The following SLC6A11 variants were observed in gnomAD, a reference collection of about 807,000 sequenced individuals.
The protein encoded by SLC6A11 is solute carrier family 6 member 11.
In SLC6A11, 25 loss-of-function variants were observed where a neutral mutation model predicts 74.8. That is an observed-to-expected ratio of 0.33 (90% CI 0.24 to 0.47). SLC6A11 has a LOEUF of 0.47. SLC6A11 is among the 20% of genes least tolerant of loss of function. The pLI is 1.00. For missense variants in SLC6A11, 574 were observed against 837.0 expected (o/e 0.69, Z 3.88); for synonymous variants, 330 against 330.2 (o/e 1.00, Z 0.01).
chr3:10,930,306 A>G (rs1272800383), intron 10 of SLC6A11, among the ~76,000 whole-genome samples: 2 of 151,830 alleles, frequency 1.3e-5, no homozygotes, highest in African/African-American at 2.4e-5. Context: ...ACCACGATCT[A>G]TGGTCCACCT....
chr3:10,886,359 C>T (rs780998193), intron 6 of SLC6A11, among the ~76,000 whole-genome samples: 2 of 152,170 alleles, frequency 1.3e-5, no homozygotes, highest in Non-Finnish European at 2.9e-5. Flanking sequence ...TGGTCCCTGT[C>T]CCATACAGCC....
intron 6 of SLC6A11, among the ~76,000 whole-genome samples, chr3:10,897,403 G>T (rs1413539914): frequency 6.6e-6 from 1 of 152,134 alleles, no homozygotes; most frequent in South Asian, 2.1e-4. Flanking sequence ...AAAATCAAAA[G>T]CAAGTTAGTT....
rs1695495774 is a variant in SLC6A11 at position 10,918,883 on chromosome 3, C to A, written c.1120+430C>A. Reference sequence around the variant, plus strand: ...GAACATGTCTTCTCTGATGAAAAGCCTTTCTTGGCTTCTCATAGTGCTGGA... The same window carrying A: ...GAACATGTCTTCTCTGATGAAAAGCATTTCTTGGCTTCTCATAGTGCTGGA... On this transcript the variant is annotated intron_variant, in intron 8 of 13. Coordinates refer to ENST00000254488, the MANE Select transcript of SLC6A11 (RefSeq NM_014229.3). The surrounding 1 kb of genome is among the most constrained non-coding windows in gnomAD (Gnocchi z 4.5). Among the ~76,000 whole-genome samples, 1 of 151,836 alleles carries A rather than the reference C, an allele frequency of 6.6e-6. No individual in the cohort carries two copies. Among genetic ancestry groups the A allele is most frequent in the Non-Finnish European group, 1.5e-5 (1 of 67,972 alleles).
In SLC6A11 at chr3:10,838,701, AT is replaced by A. The variant is rs528700643; in HGVS notation, c.624-5511del. On this transcript the variant is annotated intron_variant, in intron 4 of 13. Coordinates refer to ENST00000254488, the MANE Select transcript of SLC6A11 (RefSeq NM_014229.3). ...GAGGTGGAGGTTGCAGCGAGCTGAG[AT>A]TGTACCACTGCACCCCAGCCTGGGC... Among the ~76,000 whole-genome samples the A allele has an allele frequency of 1.4e-3, 218 of 152,256 alleles. 1 individual carries two copies. Among genetic ancestry groups the A allele is most frequent in the African/African-American group, 5.1e-3 (210 of 41,560 alleles).
At chr3:10,872,918 T>C (rs1302136676) in intron 5 of SLC6A11, among the ~76,000 whole-genome samples, 3 of 152,178 alleles carry the variant, frequency 2.0e-5, no homozygotes, top group Non-Finnish European at 4.4e-5. Context: ...CCTCAGATTC[T>C]CAGAAGTGTC....
intron 6 of SLC6A11, among the ~76,000 whole-genome samples, chr3:10,892,259 C>T (rs1447616281): frequency 6.6e-6 from 1 of 152,250 alleles, no homozygotes; most frequent in East Asian, 1.9e-4. Flanking sequence ...GAAAGCCCTA[C>T]AGGGCGAGTG....
Position 10,873,474 on chromosome 3 carries a change from C to T in SLC6A11, c.757-1487C>T, listed in dbSNP as rs1289699362. ...CCTATGGCATGCTATCCTACCCTAC[C>T]CTACCATACCCTACCCTATGCTATC... On this transcript the variant is annotated intron_variant, in intron 5 of 13. Transcript: ENST00000254488. 3.5e-5 allele frequency among the ~76,000 whole-genome samples: 5 copies of T among 142,002 alleles called. No individual in the cohort carries two copies. In the South Asian group the frequency reaches 1.3e-3, roughly 38 times the overall value. 93.2% of individuals were successfully genotyped at this position (142,002 alleles called of 152,430 possible).
chr3:10,894,759 CAT>C (rs1335787409), intron 6 of SLC6A11, among the ~76,000 whole-genome samples: 12 of 152,254 alleles, frequency 7.9e-5, no homozygotes, highest in African/African-American at 2.4e-4. Flanking sequence ...TACAATCAAT[CAT>C]GTGTACTTGA....
intron 3 of SLC6A11, among the ~76,000 whole-genome samples, chr3:10,822,293 A>C (rs985799576): frequency 3.3e-5 from 5 of 152,186 alleles, no homozygotes; most frequent in African/African-American, 4.8e-5. Context: ...TGGATACAGG[A>C]GGCCTTGCCC....
At chr3:10,882,973 A>G (rs549246463) in intron 6 of SLC6A11, among the ~76,000 whole-genome samples, 2 of 150,496 alleles carry the variant, frequency 1.3e-5, no homozygotes, top group East Asian at 2.0e-4. Context: ...GCTCTGGAAC[A>G]CCGGTGGCAG....
intron 5 of SLC6A11, among the ~76,000 whole-genome samples, chr3:10,871,791 G>A (rs1015575938): frequency 6.6e-6 from 1 of 152,158 alleles, no homozygotes; most frequent in Non-Finnish European, 1.5e-5. Context: ...GCAAGAGATT[G>A]TGTTGATTAC....
rs35747056 is a variant in SLC6A11 at position 10,853,715 on chromosome 3, T to TG, written c.756+9369_756+9370insG. Among the ~76,000 whole-genome samples, 30 of 152,310 alleles carry TG rather than the reference T, an allele frequency of 2.0e-4. 1 individual carries two copies. Among genetic ancestry groups the TG allele is most frequent in the Admixed American group, 1.8e-3 (27 of 15,300 alleles). Reference sequence around the variant, plus strand: ...GAGTGACTGAGGCCCACCCCGGTTATCCCACATAATCTCCTGGACATAAAG... The same window carrying TG: ...GAGTGACTGAGGCCCACCCCGGTTATGCCCACATAATCTCCTGGACATAAAG... On this transcript the variant is annotated intron_variant, in intron 5 of 13. Transcript: ENST00000254488.
chr3:10,892,368 G>A (rs535270861), intron 6 of SLC6A11, among the ~76,000 whole-genome samples: 1 of 152,328 alleles, frequency 6.6e-6, no homozygotes, highest in South Asian at 2.1e-4. Flanking sequence ...AGTGGGTGCT[G>A]CTCAGCCTCC....
At chr3:10,870,830 T>C (rs1176976760) in intron 5 of SLC6A11, among the ~76,000 whole-genome samples, 1 of 151,984 alleles carries the variant, frequency 6.6e-6, no homozygotes, top group Non-Finnish European at 1.5e-5. Context: ...TTACAAATGA[T>C]TTTTTCTGGG....
At chr3:10,870,081 A>G (rs914974618) in intron 5 of SLC6A11, among the ~76,000 whole-genome samples, 1 of 151,922 alleles carries the variant, frequency 6.6e-6, no homozygotes, top group Admixed American at 6.6e-5. Context: ...GCCTGATCCA[A>G]CCTCTCCTAT....
chr3:10,851,064 AC>A (rs1694569510), intron 5 of SLC6A11, among the ~76,000 whole-genome samples: 2 of 151,988 alleles, frequency 1.3e-5, no homozygotes, highest in East Asian at 3.9e-4. Context: ...GCAGACAGCC[AC>A]CCCTGCCCAG....
chr3:10,822,295 G>A (rs1429188026), intron 3 of SLC6A11, among the ~76,000 whole-genome samples: 1 of 152,232 alleles, frequency 6.6e-6, no homozygotes, highest in African/African-American at 2.4e-5. Flanking sequence ...GATACAGGAG[G>A]CCTTGCCCTT....
chr3:10,834,341 T>G (rs1223524173), intron 4 of SLC6A11, among the ~76,000 whole-genome samples: 3 of 115,308 alleles, frequency 2.6e-5, no homozygotes, highest in African/African-American at 9.6e-5. Flanking sequence ...AGTAAGTTTG[T>G]TTTTTTTTTT....
At chr3:10,860,438 A>G (rs1694689727) in intron 5 of SLC6A11, among the ~76,000 whole-genome samples, 1 of 152,244 alleles carries the variant, frequency 6.6e-6, no homozygotes, top group Admixed American at 6.5e-5. Flanking sequence ...TGGGACAGCC[A>G]GGATGAGAAT....
Sources: gnomAD v4.1 joint callset for allele counts (sites outside exome capture counted in the v4.1 genomes callset) on GRCh38, gnomAD v4.1.1 for gene constraint, Gnocchi (gnomAD v3.1) non-coding constraint, MANE v1.5 for transcripts, NCBI Gene and HGNC (gene_info 2026-07-23, HGNC 2026-07-21) for gene names.